The following HPRT1 variants were observed in gnomAD, a reference collection of about 807,000 sequenced individuals.
HPRT1 encodes hypoxanthine-guanine phosphoribosyltransferase.
A neutral mutation model predicts 19.0 loss-of-function variants in HPRT1; 4 were observed. The observed-to-expected ratio is 0.21, with a 90% CI of 0.10 to 0.48. HPRT1 has a LOEUF of 0.48. Ranked by LOEUF, HPRT1 falls within the 20% of genes least tolerant of loss-of-function variation. The pLI is 0.98. For synonymous variants in HPRT1, 53 were observed against 54.9 expected, an observed-to-expected ratio of 0.97 and a Z score of 0.15; for missense variants, 65 against 164.0, an observed-to-expected ratio of 0.40 and a Z score of 3.30.
chrX:134,468,926 AT>A (rs929473660), intron 1 of HPRT1, among the ~76,000 whole-genome samples: 6 of 109,070 alleles, frequency 5.5e-5, no homozygotes, highest in Non-Finnish European at 9.5e-5. Flanking sequence ...GTAAAAAATT[AT>A]TTTTTTTCTT....
chrX:134,490,260 C>G, intron 5 of HPRT1, 55 bp downstream of exon 5: 2 of 705,816 alleles, frequency 2.8e-6, no homozygotes, highest in Non-Finnish European at 2.2e-6. Context: ...ACTTAGTATG[C>G]ACCATCCTAA....
intron 4 of HPRT1, among the ~76,000 whole-genome samples, chrX:134,488,659 A>G (rs1182424829): frequency 9.0e-6 from 1 of 111,079 alleles, no homozygotes; most frequent in Non-Finnish European, 1.9e-5. Flanking sequence ...TATAATTCAA[A>G]AACTCAATAA....
At chrX:134,498,988 C>T (rs1438173349) in intron 8 of HPRT1, among the ~76,000 whole-genome samples, 1 of 112,091 alleles carries the variant, frequency 8.9e-6, no homozygotes, top group Non-Finnish European at 1.9e-5. Flanking sequence ...TTTTAATTCA[C>T]TGTCCTTTGA....
At chrX:134,478,850 A>T (rs897911767) in intron 3 of HPRT1, among the ~76,000 whole-genome samples, 1 of 112,029 alleles carries the variant, frequency 8.9e-6, no homozygotes, top group African/African-American at 3.2e-5. Context: ...TAAATTAAAG[A>T]TGTCACTGAT....
At position 134,500,016 on chromosome X, in the gene HPRT1, AT is replaced by A. The variant is rs749375059; in HGVS notation, c.610-5del. 306 of 1,096,487 alleles carry A rather than the reference AT, an allele frequency of 2.8e-4. No homozygotes were observed. Among genetic ancestry groups the A allele is most frequent in the South Asian group, 3.9e-4 (21 of 53,857 alleles). 90.4% of individuals were successfully genotyped at this position (1,096,487 alleles called of 1,213,427 possible). A position where few individuals can be genotyped will look rare whatever the true frequency, so the allele number is the denominator to read the frequency against. On this transcript the variant is annotated splice_polypyrimidine_tract_variant and intron_variant, in intron 8 of 8. Coordinates refer to ENST00000298556, the MANE Select transcript of HPRT1 (RefSeq NM_000194.3). ...ATACTTTTTAAATGTGAATTTCTGG[AT>A]TTTTTTTTATAGCATGTTTGTGTCA...
chrX:134,488,540 G>A (rs1015805762), intron 4 of HPRT1, among the ~76,000 whole-genome samples: 5 of 111,115 alleles, frequency 4.5e-5, no homozygotes, highest in Non-Finnish European at 7.5e-5. Context: ...CTTTGGACCC[G>A]AATACCTGTA....
rs1347049297 is a variant in HPRT1 at position 134,460,238 on chromosome X, C to G, written c.-74C>G. On this transcript the variant is annotated 5_prime_UTR_variant, in exon 1 of 9. Transcript: ENST00000298556. The stretch of plus-strand genomic sequence containing the variant: ...CGCGCGGCGCCGCCTCTTGCTGCGC[C>G]TCCGCCTCCTCCTCTGCTCCGCCAC... The G allele has an allele frequency of 9.4e-7, 1 of 1,067,389 alleles. No individual in the cohort carries two copies. The highest frequency in any genetic ancestry group is 2.8e-5 in the Admixed American group (1 of 36,141). The allele number at this position is 1,067,389 out of a possible 1,213,427, so 88.0% of individuals were successfully genotyped here. A position where few individuals can be genotyped will look rare whatever the true frequency, so the allele number is the denominator to read the frequency against.
Position 134,493,540 on chromosome X carries a change from T to C in HPRT1, c.435T>C (p.Thr145=). The C allele has an allele frequency of 5.8e-6, 7 of 1,207,851 alleles. No individual in the cohort carries two copies. The highest frequency in any genetic ancestry group is 7.8e-6 in the Non-Finnish European group (7 of 891,927). Residue 145 remains threonine (T), a synonymous_variant, in exon 6 of 9, where the codon ACT becomes ACC. Transcript: ENST00000298556. The part of the protein sequence containing the change: ...DIIDTGKTMQ[T]LLSLVRQYNP... Reference sequence around the variant, plus strand: ...TTGACACTGGCAAAACAATGCAGACTTTGCTTTCCTTGGTCAGGCAGTATA... The same window carrying C: ...TTGACACTGGCAAAACAATGCAGACCTTGCTTTCCTTGGTCAGGCAGTATA...
At chrX:134,484,057 T>C (rs745748119) in intron 3 of HPRT1, among the ~76,000 whole-genome samples, 1 of 111,875 alleles carries the variant, frequency 8.9e-6, no homozygotes, top group Admixed American at 9.5e-5. Flanking sequence ...TGGATGCTAA[T>C]AGAACAGCAG....
At chrX:134,465,045 C>T (rs951815138) in intron 1 of HPRT1, among the ~76,000 whole-genome samples, 12 of 107,593 alleles carry the variant, frequency 1.1e-4, no homozygotes, top group South Asian at 8.1e-4. Context: ...CTCAGCCTCC[C>T]GAGTAGCTGG....
chrX:134,485,646 T>C (rs1239204032), intron 3 of HPRT1, among the ~76,000 whole-genome samples: 16 of 112,081 alleles, frequency 1.4e-4, no homozygotes, highest in Non-Finnish European at 1.9e-5. Flanking sequence ...TCTGGGTCTG[T>C]TTCTGGGCTC....
At chrX:134,494,202 C>T (rs141618701) in intron 6 of HPRT1, among the ~76,000 whole-genome samples, 237 of 112,127 alleles carry the variant, frequency 2.1e-3, no homozygotes, top group African/African-American at 7.4e-3. Context: ...AGAGCTAGTC[C>T]GCTATAGAGA....
chrX:134,468,127 T>C (rs1465828888), intron 1 of HPRT1, among the ~76,000 whole-genome samples: 1 of 110,451 alleles, frequency 9.1e-6, no homozygotes. Flanking sequence ...TTTTTTTAAA[T>C]AGCAATTTAA....
intron 2 of HPRT1, among the ~76,000 whole-genome samples, chrX:134,474,863 G>A (rs766448121): frequency 5.4e-5 from 6 of 111,213 alleles, no homozygotes; most frequent in South Asian, 3.7e-4. Flanking sequence ...GATGTGTTAC[G>A]TGGAAGATTT....
Position 134,475,346 on chromosome X carries a change from C to T in HPRT1, c.300C>T (p.Ile100=). The change falls in exon 3 of 9, where the codon ATC becomes ATT. Residue 100 remains isoleucine, a synonymous_variant. Coordinates refer to ENST00000298556, the MANE Select transcript of HPRT1 (RefSeq NM_000194.3). ...DRSIPMTVDF[I]RLKSYCNDQS... ...CCATTCCTATGACTGTAGATTTTAT[C>T]AGACTGAAGAGCTATTGTGTGAGTA... 1 of 1,156,992 alleles carries T rather than the reference C, an allele frequency of 8.6e-7. No individual in the cohort carries two copies. The highest frequency in any genetic ancestry group is 1.8e-5 in the South Asian group (1 of 55,552).
intron 3 of HPRT1, among the ~76,000 whole-genome samples, chrX:134,475,635 A>G (rs1298977629): frequency 9.0e-6 from 1 of 111,666 alleles, no homozygotes; most frequent in Non-Finnish European, 1.9e-5. Context: ...TTTTTTCACT[A>G]TACATACTGG....
Position 134,463,940 on chromosome X carries a change from G to A in HPRT1, c.27+3602G>A, listed in dbSNP as rs151053586. On this transcript the variant is annotated intron_variant, in intron 1 of 8. Transcript: ENST00000298556. ...TACTACTAAGATAATCTACTAGTTC[G>A]ATCACATACTTCAAATTGTTATGGA... Among the ~76,000 whole-genome samples the A allele has an allele frequency of 3.6e-3, 401 of 111,742 alleles. 3 individuals carry two copies. Among genetic ancestry groups the A allele is most frequent in the African/African-American group, 0.012 (382 of 30,805 alleles).
chrX:134,480,839 G>A (rs1426530091), intron 3 of HPRT1, among the ~76,000 whole-genome samples: 2 of 100,901 alleles, frequency 2.0e-5, no homozygotes, highest in African/African-American at 7.2e-5. Context: ...GTCTCAAAAG[G>A]TATCAAAAGA....
chrX:134,487,151 G>T (rs1483400475), intron 4 of HPRT1, among the ~76,000 whole-genome samples: 5 of 111,373 alleles, frequency 4.5e-5, no homozygotes, highest in Non-Finnish European at 7.5e-5. Flanking sequence ...ATCTCAAAGA[G>T]TTTTCTTGTA....
Sources: allele counts gnomAD v4.1 joint callset (sites outside exome capture counted in the v4.1 genomes callset), GRCh38; gene constraint gnomAD v4.1.1; transcripts MANE v1.5; gene names NCBI Gene and HGNC (gene_info 2026-07-23, HGNC 2026-07-21).